The following LZTR1 variants were observed in gnomAD, a reference collection of about 807,000 sequenced individuals.
LZTR1 encodes the protein leucine zipper like post translational regulator 1.
A neutral mutation model predicts 105.7 loss-of-function variants in LZTR1; 260 were observed. The observed-to-expected ratio is 2.46, with a 90% CI of 2.22 to 2.72. The LOEUF is 2.72. Ranked by LOEUF, LZTR1 falls within the 30% of genes most tolerant of loss-of-function variation. The probability of loss-of-function intolerance (pLI) is 0.00; values close to 1 mark genes in which losing one functional copy is unlikely to be tolerated. For missense variants in LZTR1, 1,214 were observed against 1,166.9 expected (o/e 1.04, Z -0.59); for synonymous variants, 490 against 476.4 (o/e 1.03, Z -0.37).
intron 2 of LZTR1, 43 bp downstream of exon 2, chr22:20,983,132 A>G (rs190416979): frequency 6.4e-7 from 1 of 1,565,768 alleles, no homozygotes; most frequent in African/African-American, 1.4e-5. Flanking sequence ...GGTAGGGAGA[A>G]GTACTGTGGT....
rs372440263 is a variant in LZTR1, at chr22:20,982,467, T to C, written c.96T>C (p.His32=). Residue 32 remains histidine, a synonymous_variant, in exon 1 of 21, where the codon CAT becomes CAC. Transcript: ENST00000646124. ...TAGCCCCGAGCGTGGACTTCGACCA[T>C]AGCTGCTCGGACAGTGTCGAGTACC... The part of the protein sequence containing the change: ...SKVAPSVDFD[H]SCSDSVEYLT... The C allele has an allele frequency of 2.0e-4, 318 of 1,608,924 alleles. No individual in the cohort carries two copies. The highest frequency in any genetic ancestry group is 2.4e-4 in the Non-Finnish European group (277 of 1,177,814).
chr22:20,994,531 C>G, intron 14 of LZTR1, 27 bp from the exon 15 acceptor site: 1 of 1,602,190 alleles, frequency 6.2e-7, no homozygotes, highest in South Asian at 1.1e-5. Flanking sequence ...CTCCGGCTCC[C>G]TGAGATTCGG....
Position 20,985,910 on chromosome 22 carries a change from G to A in LZTR1, c.320+13G>A, listed in dbSNP as rs188924002. On this transcript the variant is annotated intron_variant, in intron 3 of 20. Transcript: ENST00000646124. ...GCTCCTGGTGCAGGTGGGTGGCCCC[G>A]TGCTCCAGGGCCCTGCCTTTCCTCC... The A allele has an allele frequency of 7.3e-5, 118 of 1,613,740 alleles. No individual in the cohort carries two copies. The Middle Eastern group carries it at 8.2e-4, about 11-fold the overall frequency.
rs1924878087 is a variant in LZTR1 at position 20,996,922 on chromosome 22, A to G, written c.2362A>G (p.Met788Val). The change falls in exon 20 of 21, where the codon ATG becomes GTG. Residue 788 changes from methionine (M) to valine (V), a missense_variant. Physicochemically the swap from Met to Val is conservative, Grantham distance 21. Transcript: ENST00000646124. The part of the protein sequence containing the change: ...EAADKTQALD[M>V]KRHCLHIIVH... Reference sequence around the variant, plus strand: ...AGCTGACAAAACGCAGGCACTGGACATGAAGCGGCACTGCCTGCACATCAT... The same window carrying G: ...AGCTGACAAAACGCAGGCACTGGACGTGAAGCGGCACTGCCTGCACATCAT... The G allele has an allele frequency of 2.5e-6, 4 of 1,613,440 alleles. No homozygotes were observed. The highest frequency in any genetic ancestry group is 3.4e-6 in the Non-Finnish European group (4 of 1,179,774).
At position 20,987,563 on chromosome 22, in the gene LZTR1, G is replaced by T. The variant is rs751261684; in HGVS notation, c.380G>T (p.Gly127Val). Residue 127 changes from glycine (G) to valine (V), a missense_variant, in exon 4 of 21, where the codon GGG (glycine) becomes GTG (valine). Transcript: ENST00000646124. ...PRYHHSAVVY[G>V]SSMFVFGGYT... ...TACCACCACTCGGCCGTCGTCTATG[G>T]GAGCAGCATGTTTGTCTTTGGTAAG... is the stretch of plus-strand genomic sequence containing the variant. 1 of 1,614,122 alleles carries T rather than the reference G, an allele frequency of 6.2e-7. No individual in the cohort carries two copies. Among genetic ancestry groups the T allele is most frequent in the Non-Finnish European group, 8.5e-7 (1 of 1,180,030 alleles).
chr22:20,988,565 G>A (rs1924485133), intron 5 of LZTR1, among the ~76,000 whole-genome samples: 1 of 152,242 alleles, frequency 6.6e-6, no homozygotes, highest in South Asian at 2.1e-4. Context: ...GCACCTAGGA[G>A]AAGGTTCTGT....
rs369697241 is a variant in LZTR1 at position 20,994,692 on chromosome 22, G to T, written c.1750G>T (p.Glu584Ter). 1 of 1,612,610 alleles carries T rather than the reference G, an allele frequency of 6.2e-7. No homozygotes were observed. Among genetic ancestry groups the T allele is most frequent in the Non-Finnish European group, 8.5e-7 (1 of 1,179,964 alleles). ...CCTGCAGAACGTGCTGGTTGTGTGC[G>T]AGAGTGCCGCCCGGCTGCAGCTGAG... ...VDLQNVLVVC[E>*]SAARLQLSQL... The change falls in exon 15 of 21, where the codon GAG (glutamate) becomes TAG (stop). Residue 584 changes from glutamate to a stop codon, truncating the protein, a stop_gained. Transcript: ENST00000646124. LOFTEE classifies it high-confidence loss of function.
chr22:20,983,479 T>A (rs1924273286), intron 2 of LZTR1, among the ~76,000 whole-genome samples: 1 of 152,226 alleles, frequency 6.6e-6, no homozygotes, highest in Admixed American at 6.5e-5. Context: ...TTGTGGGGGT[T>A]TTCCCAAATT....
At chr22:20,987,214 T>A (rs2038070899) in intron 3 of LZTR1, 1 of 296,920 alleles carries the variant, frequency 3.4e-6, no homozygotes, top group East Asian at 6.3e-5. Flanking sequence ...GCCAACATGG[T>A]GAAACCCCGT....
Position 20,992,246 on chromosome 22 carries a change from T to G in LZTR1, c.1026T>G (p.Cys342Trp). The G allele has an allele frequency of 6.2e-7, 1 of 1,613,954 alleles. No homozygotes were observed. The highest frequency in any genetic ancestry group is 8.5e-7 in the Non-Finnish European group (1 of 1,179,950). ...VGGAEVPERA[C>W]ASEEVPTLTY... ...GGGCTGAAGTGCCCGAGCGAGCCTG[T>G]GCTTCCGAGGAGGTGCCCACCCTGA... Residue 342 changes from cysteine to tryptophan, a missense_variant, in exon 10 of 21, where the codon TGT becomes TGG. Coordinates refer to ENST00000646124, the MANE Select transcript of LZTR1 (RefSeq NM_006767.4).
rs979727897 is a variant in LZTR1 at position 20,995,743 on chromosome 22, C to T, written c.1943-3C>T. The stretch of plus-strand genomic sequence containing the variant: ...ACCTGCTCAGGGACCCTCCTACCCC[C>T]AGGCACATCTCTGATCCAGGACATG... On this transcript the variant is annotated splice_polypyrimidine_tract_variant and splice_region_variant and intron_variant, in intron 16 of 20. Coordinates refer to ENST00000646124, the MANE Select transcript of LZTR1 (RefSeq NM_006767.4). The T allele has an allele frequency of 3.7e-6, 6 of 1,613,522 alleles. No individual in the cohort carries two copies. Among genetic ancestry groups the T allele is most frequent in the Non-Finnish European group, 4.2e-6 (5 of 1,179,994 alleles).
At chr22:20,991,225 G>A (rs549192584) in intron 8 of LZTR1, 14 of 199,266 alleles carry the variant, frequency 7.0e-5, no homozygotes, top group Non-Finnish European at 1.0e-4. Flanking sequence ...GTGGGGTACA[G>A]GCAGCTCCCA....
Position 20,995,744 on chromosome 22 carries a change from A to AGGCACATCTCT in LZTR1, c.1943_1953dup, listed in dbSNP as rs1569157845. On this transcript the variant is annotated splice_acceptor_variant, in intron 16 of 20. Transcript: ENST00000646124. LOFTEE classifies it high-confidence loss of function. The stretch of plus-strand genomic sequence containing the variant: ...CCTGCTCAGGGACCCTCCTACCCCC[A>AGGCACATCTCT]GGCACATCTCTGATCCAGGACATGA... 1 of 1,613,502 alleles carries AGGCACATCTCT rather than the reference A, an allele frequency of 6.2e-7. No individual in the cohort carries two copies. The highest frequency in any genetic ancestry group is 8.5e-7 in the Non-Finnish European group (1 of 1,179,990).
Position 20,995,728 on chromosome 22 carries a change from G to A in LZTR1, c.1943-18G>A, listed in dbSNP as rs1416868944. On this transcript the variant is annotated intron_variant, in intron 16 of 20. Transcript: ENST00000646124. ...AGAATCCCAGGCTGTACCTGCTCAGGGACCCTCCTACCCCCAGGCACATCT... is the reference window on the plus strand; with the variant it reads ...AGAATCCCAGGCTGTACCTGCTCAGAGACCCTCCTACCCCCAGGCACATCT... 4 of 1,613,066 alleles carry A rather than the reference G, an allele frequency of 2.5e-6. No homozygotes were observed. The highest frequency in any genetic ancestry group is 1.1e-5 in the South Asian group (1 of 91,082).
Position 20,997,501 on chromosome 22 carries a change from A to G in LZTR1, c.*153A>G. Reference sequence around the variant, plus strand: ...AGAGCCTCCAAAGAGAGCTGAGGGGATGTGGGGCCCCAAACTCATTAATTC... The same window carrying G: ...AGAGCCTCCAAAGAGAGCTGAGGGGGTGTGGGGCCCCAAACTCATTAATTC... On this transcript the variant is annotated 3_prime_UTR_variant, in exon 21 of 21. Coordinates refer to ENST00000646124, the MANE Select transcript of LZTR1 (RefSeq NM_006767.4). The G allele has an allele frequency of 1.6e-6, 1 of 630,904 alleles. No individual in the cohort carries two copies. Among genetic ancestry groups the G allele is most frequent in the Admixed American group, 2.7e-5 (1 of 36,648 alleles). 39.1% of individuals were successfully genotyped at this position (630,904 alleles called of 1,614,324 possible).
chr22:20,997,390 G>A lies in LZTR1; in HGVS notation c.*42G>A, dbSNP rs200349670. ...CCCATTGTGAAGAATCGCCGTGCCTGCCTGCCCTGCCTACTGAGAAGACTA... is the reference window on the plus strand; with the variant it reads ...CCCATTGTGAAGAATCGCCGTGCCTACCTGCCCTGCCTACTGAGAAGACTA... On this transcript the variant is annotated 3_prime_UTR_variant, in exon 21 of 21. Coordinates refer to ENST00000646124, the MANE Select transcript of LZTR1 (RefSeq NM_006767.4). The A allele has an allele frequency of 1.4e-6, 2 of 1,394,004 alleles. No homozygotes were observed. The highest frequency in any genetic ancestry group is 1.4e-5 in the African/African-American group (1 of 70,852). 86.4% of individuals were successfully genotyped at this position (1,394,004 alleles called of 1,614,324 possible).
At position 20,993,913 on chromosome 22, in the gene LZTR1, T is replaced by A. The variant is rs371174047; in HGVS notation, c.1354-11T>A. 1.9e-6 allele frequency: 3 copies of A among 1,610,422 alleles called. No individual in the cohort carries two copies. Among genetic ancestry groups the A allele is most frequent in the Non-Finnish European group, 2.5e-6 (3 of 1,179,276 alleles). On this transcript the variant is annotated splice_polypyrimidine_tract_variant and intron_variant, in intron 12 of 20. Coordinates refer to ENST00000646124, the MANE Select transcript of LZTR1 (RefSeq NM_006767.4). ...CCTGTGCCCTCTGCCAGTGCATCAT[T>A]CTTTGTGCAGAAGGAGGAGTGCGTG...
chr22:20,985,328 G>A (rs987104373), intron 2 of LZTR1, among the ~76,000 whole-genome samples: 2 of 152,100 alleles, frequency 1.3e-5, no homozygotes, highest in Non-Finnish European at 2.9e-5. Context: ...CCAAAGTGCT[G>A]GGATTACAGG....
At chr22:20,989,138 TGGTGGGCG>T (rs959152648) in intron 6 of LZTR1, among the ~76,000 whole-genome samples, 12 of 151,974 alleles carry the variant, frequency 7.9e-5, no homozygotes, top group African/African-American at 2.6e-4. Flanking sequence ...GGAGCTGAGT[TGGTGGGCG>T]GGTGGGCGGT....
Sources: allele counts gnomAD v4.1 joint callset (sites outside exome capture counted in the v4.1 genomes callset), GRCh38; gene constraint gnomAD v4.1.1; transcripts MANE v1.5; gene names NCBI Gene and HGNC (gene_info 2026-07-23, HGNC 2026-07-21).